AQP2: variants seen among roughly 807,000 people sequenced by gnomAD.
AQP2 encodes the protein aquaporin-2.
In AQP2, 20 loss-of-function variants were observed where a neutral mutation model predicts 21.6. The ratio of observed to expected loss-of-function variants is 0.92; its 90% CI spans 0.65 to 1.34. AQP2 has a LOEUF of 1.34. Among genes scored for constraint, AQP2 ranks in the 40% most tolerant of loss-of-function variants. The pLI is 0.00. For synonymous variants in AQP2, 168 were observed against 166.9 expected, an observed-to-expected ratio of 1.01 and a Z score of -0.05; for missense variants, 325 against 363.4, an observed-to-expected ratio of 0.89 and a Z score of 0.86.
chr12:49,951,129 G>C lies in AQP2; in HGVS notation c.299G>C (p.Gly100Ala). Residue 100 changes from glycine (G) to alanine (A), a missense_variant, in exon 1 of 4, where the codon GGA becomes GCA. By Grantham distance (60) the Gly-to-Ala change is moderately conservative. Coordinates refer to ENST00000199280, the MANE Select transcript of AQP2 (RefSeq NM_000486.6). ...VAAQLLGAVA[G>A]AALLHEITPA... ...GCCCAGCTGCTGGGGGCTGTGGCCG[G>C]AGCCGCTCTGCTCCATGAGATCACG... The C allele has an allele frequency of 6.2e-7, 1 of 1,606,736 alleles. No individual in the cohort carries two copies. The highest frequency in any genetic ancestry group is 8.5e-7 in the Non-Finnish European group (1 of 1,174,940).
intron 1 of AQP2, chr12:49,951,422 C>A: frequency 3.1e-6 from 2 of 637,244 alleles, no homozygotes; most frequent in Non-Finnish European, 5.1e-6. Context: ...CCACCCTGAC[C>A]GTCGTGCAGG....
At position 49,950,955 on chromosome 12, in the gene AQP2, TAC is replaced by T. The variant is rs1337669269; in HGVS notation, c.127_128del (p.Gln43AspfsTer63). 3 of 1,614,226 alleles carry T rather than the reference TAC, an allele frequency of 1.9e-6. No individual in the cohort carries two copies. In the East Asian group the frequency reaches 6.7e-5, roughly 36 times the overall value. On this transcript the variant is annotated frameshift_variant, in exon 1 of 4. Transcript: ENST00000199280. LOFTEE classifies it high-confidence loss of function. ...TGGCCACAGGCCCTGCCCTCTGTGC[TAC>T]AGATTGCCATGGCGTTTGGCTTGGG... is the stretch of plus-strand genomic sequence containing the variant.
At position 49,957,497 on chromosome 12, in the gene AQP2, C is replaced by T. The variant is rs904253855; in HGVS notation, c.*1889C>T. 1.3e-5 allele frequency: 2 copies of T among 152,380 alleles called. No homozygotes were observed. The highest frequency in any genetic ancestry group is 2.9e-5 in the Non-Finnish European group (2 of 68,150). 9.4% of individuals were successfully genotyped at this position (152,380 alleles called of 1,614,324 possible). On this transcript the variant is annotated 3_prime_UTR_variant, in exon 4 of 4. Transcript: ENST00000199280. ...ACCCACTGTGCACCAGGCACTAAGT[C>T]TCTAGCCTCTTTCTCCCTTCTGCTC...
chr12:49,954,255 G>A lies in AQP2; in HGVS notation c.461G>A (p.Gly154Glu). 2 of 1,607,648 alleles carry A rather than the reference G, an allele frequency of 1.2e-6. No homozygotes were observed. The highest frequency in any genetic ancestry group is 1.7e-4 in the Middle Eastern group (1 of 6,044). ...TTCGCCTCCACCGATGAGCGCCGCG[G>A]AGAGAACCCGGGCACCCCTGCTCTC... ...CIFASTDERR[G>E]ENPGTPALSI... Residue 154 changes from glycine to glutamate, a missense_variant, in exon 2 of 4, where the codon GGA becomes GAA. Transcript: ENST00000199280.
At chr12:49,953,240 G>A (rs2137146478) in intron 1 of AQP2, among the ~76,000 whole-genome samples, 1 of 152,334 alleles carries the variant, frequency 6.6e-6, no homozygotes, top group Admixed American at 6.5e-5. Context: ...CTGACCTGAT[G>A]TCTCGGACCC....
At chr12:49,955,350 G>A (rs755251193) in intron 3 of AQP2, 49 bp from the exon 4 acceptor site, 8 of 1,587,066 alleles carry the variant, frequency 5.0e-6, no homozygotes, top group Non-Finnish European at 6.9e-6. Flanking sequence ...CGGGCTCCGC[G>A]TGCCGGTGCC....
chr12:49,955,331 C>T (rs1947358768), intron 3 of AQP2, 68 bp from the exon 4 acceptor site: 1 of 1,505,212 alleles, frequency 6.6e-7, no homozygotes, highest in Non-Finnish European at 9.1e-7. Context: ...AGTGTGCCGC[C>T]GGGGCCTGCG....
rs148006652 is a variant in AQP2 at position 49,950,844 on chromosome 12, G to A, written c.14G>A (p.Arg5His). The change falls in exon 1 of 4, where the codon CGC (arginine) becomes CAC (histidine). Residue 5 changes from arginine to histidine, a missense_variant. Coordinates refer to ENST00000199280, the MANE Select transcript of AQP2 (RefSeq NM_000486.6). MWELRSIAFSRAVFA... is the reference protein window; with the variant it reads MWELHSIAFSRAVFA... ...GGGCTCTGCAGCATGTGGGAGCTCC[G>A]CTCCATAGCCTTCTCCAGGGCTGTG... is the stretch of plus-strand genomic sequence containing the variant. 138 of 1,612,114 alleles carry A rather than the reference G, an allele frequency of 8.6e-5. No homozygotes were observed. Among genetic ancestry groups the A allele is most frequent in the Non-Finnish European group, 1.1e-4 (127 of 1,178,652 alleles).
chr12:49,952,297 C>A (rs1161803759), intron 1 of AQP2, among the ~76,000 whole-genome samples: 1 of 152,064 alleles, frequency 6.6e-6, no homozygotes, highest in Non-Finnish European at 1.5e-5. Flanking sequence ...TTAGTAGAGA[C>A]AGGACTCGCC....
rs1373706598 is a variant in AQP2, at chr12:49,951,124, G to A, written c.294G>A (p.Val98=). Residue 98 remains valine, a synonymous_variant, in exon 1 of 4, where the codon GTG becomes GTA. Coordinates refer to ENST00000199280, the MANE Select transcript of AQP2 (RefSeq NM_000486.6). The stretch of plus-strand genomic sequence containing the variant: ...TGGCTGCCCAGCTGCTGGGGGCTGT[G>A]GCCGGAGCCGCTCTGCTCCATGAGA... ...FYVAAQLLGA[V]AGAALLHEIT... 6.2e-7 allele frequency: 1 copy of A among 1,606,876 alleles called. No homozygotes were observed.
At position 49,958,089 on chromosome 12, in the gene AQP2, C is replaced by A. The variant is rs906149898; in HGVS notation, c.*2481C>A. ...TGTGTACCAGCTGCTGTGCTGGGTG[C>A]CTTGCATGCACGGACTTATCTGATC... On this transcript the variant is annotated 3_prime_UTR_variant, in exon 4 of 4. Transcript: ENST00000199280. 1 of 152,148 alleles carries A rather than the reference C, an allele frequency of 6.6e-6. No individual in the cohort carries two copies. Among genetic ancestry groups the A allele is most frequent in the Admixed American group, 6.5e-5 (1 of 15,272 alleles). 9.4% of individuals were successfully genotyped at this position (152,148 alleles called of 1,614,324 possible).
chr12:49,950,886 CCA>C lies in AQP2; in HGVS notation c.60_61del (p.Leu21ProfsTer85). On this transcript the variant is annotated frameshift_variant, in exon 1 of 4. Coordinates refer to ENST00000199280, the MANE Select transcript of AQP2 (RefSeq NM_000486.6). LOFTEE classifies it high-confidence loss of function. Reference sequence around the variant, plus strand: ...AGGGCTGTGTTCGCAGAGTTCCTGGCCACACTCCTCTTCGTCTTCTTTGGCCT... The same window carrying C: ...AGGGCTGTGTTCGCAGAGTTCCTGGCCACTCCTCTTCGTCTTCTTTGGCCT... 6.2e-7 allele frequency: 1 copy of C among 1,613,846 alleles called. No homozygotes were observed. The highest frequency in any genetic ancestry group is 8.5e-7 in the Non-Finnish European group (1 of 1,179,706).
rs762001833 is a variant in AQP2 at position 49,951,133 on chromosome 12, C to G, written c.303C>G (p.Ala101=). The G allele has an allele frequency of 6.2e-7, 1 of 1,604,574 alleles. No individual in the cohort carries two copies. Among genetic ancestry groups the G allele is most frequent in the Non-Finnish European group, 8.5e-7 (1 of 1,173,410 alleles). The change falls in exon 1 of 4, where the codon GCC becomes GCG. Residue 101 remains alanine, a synonymous_variant. Transcript: ENST00000199280. ...AGCTGCTGGGGGCTGTGGCCGGAGC[C>G]GCTCTGCTCCATGAGATCACGCCAG... ...AAQLLGAVAG[A]ALLHEITPAD...
chr12:49,951,776 G>C (rs1205729256), intron 1 of AQP2: 1 of 152,516 alleles, frequency 6.6e-6, no homozygotes, highest in Non-Finnish European at 1.5e-5. Context: ...GGGCCCCGTG[G>C]GCCCTTTGGG....
In AQP2 at chr12:49,950,754, GC is replaced by G; in HGVS notation, c.-76del. ...CTCCCCAGAGGCCTTGAGAAAGAGA[GC>G]GATAGAGTGCGAGAGCGAGTGCCCG... is the stretch of plus-strand genomic sequence containing the variant. On this transcript the variant is annotated 5_prime_UTR_variant, in exon 1 of 4. Transcript: ENST00000199280. The G allele has an allele frequency of 9.7e-6, 15 of 1,552,026 alleles. No individual in the cohort carries two copies. The highest frequency in any genetic ancestry group is 1.3e-5 in the Non-Finnish European group (15 of 1,148,094).
At position 49,955,508 on chromosome 12, in the gene AQP2, G is replaced by T; in HGVS notation, c.716G>T (p.Gly239Val). Residue 239 changes from glycine to valine, a missense_variant, in exon 4 of 4, where the codon GGC becomes GTC. Gly to Val is a moderately radical substitution (Grantham distance 109, BLOSUM62 -3). Coordinates refer to ENST00000199280, the MANE Select transcript of AQP2 (RefSeq NM_000486.6). ...TCGGAGCGCCTGGCAGTGCTGAAGG[G>T]CCTGGAGCCGGACACCGATTGGGAG... ...SLSERLAVLK[G>V]LEPDTDWEER... The T allele has an allele frequency of 6.2e-7, 1 of 1,612,538 alleles. No individual in the cohort carries two copies. Among genetic ancestry groups the T allele is most frequent in the Non-Finnish European group, 8.5e-7 (1 of 1,179,780 alleles).
At chr12:49,954,116 G>T (rs753079942) in intron 1 of AQP2, 39 bp from the exon 2 acceptor site, 2 of 1,596,984 alleles carry the variant, frequency 1.3e-6, no homozygotes, top group Non-Finnish European at 1.7e-6. Flanking sequence ...GAGGAAAGTG[G>T]GCTCAGTGTT....
rs1421169553 is a variant in AQP2, at chr12:49,955,347, CG to C, written c.607-51del. On this transcript the variant is annotated intron_variant, in intron 3 of 3. Coordinates refer to ENST00000199280, the MANE Select transcript of AQP2 (RefSeq NM_000486.6). The stretch of plus-strand genomic sequence containing the variant: ...GTGTGCCGCCGGGGCCTGCGGGCTC[CG>C]CGTGCCGGTGCCGGCGCGGGTGCCA... 1.6e-5 allele frequency: 26 copies of C among 1,580,942 alleles called. No homozygotes were observed. In the Admixed American group the frequency reaches 3.8e-4, roughly 23 times the overall value.
intron 3 of AQP2, among the ~76,000 whole-genome samples, 165 bp from the exon 4 acceptor site, chr12:49,955,234 G>A (rs1197913485): frequency 6.6e-6 from 1 of 152,250 alleles, no homozygotes; most frequent in Non-Finnish European, 1.5e-5. Flanking sequence ...CACTGACAAG[G>A]CTTCCCCAGC....
Sources: gnomAD v4.1 joint callset for allele counts (sites outside exome capture counted in the v4.1 genomes callset) on GRCh38, gnomAD v4.1.1 for gene constraint, MANE v1.5 for transcripts, NCBI Gene and HGNC (gene_info 2026-07-23, HGNC 2026-07-21) for gene names.